The following SCLT1 variants were observed in gnomAD, a reference collection of about 807,000 sequenced individuals.
SCLT1 encodes sodium channel-associated protein 1.
SCLT1 carries 78 observed loss-of-function variants against 112.8 expected under a neutral mutation model. The ratio of observed to expected loss-of-function variants is 0.69; its 90% CI spans 0.58 to 0.83. The LOEUF is 0.83. Ranked by LOEUF, SCLT1 falls within the 40% of genes least tolerant of loss-of-function variation. The probability of loss-of-function intolerance (pLI) is 0.00; values close to 1 mark genes in which losing one functional copy is unlikely to be tolerated. For synonymous variants in SCLT1, 257 were observed against 254.7 expected, an observed-to-expected ratio of 1.01 and a Z score of -0.09; for missense variants, 747 against 770.4, an observed-to-expected ratio of 0.97 and a Z score of 0.36.
chr4:129,004,864 G>A (rs892582537), intron 5 of SCLT1, among the ~76,000 whole-genome samples: 5 of 151,502 alleles, frequency 3.3e-5, no homozygotes, highest in African/African-American at 1.2e-4. Context: ...GACAGAGCTT[G>A]AAAATTATTC....
rs1473662359 is a variant in SCLT1, at chr4:128,959,670, C to T, written c.977G>A (p.Arg326Lys). 6.2e-7 allele frequency: 1 copy of T among 1,613,166 alleles called. No homozygotes were observed. The highest frequency in any genetic ancestry group is 8.5e-7 in the Non-Finnish European group (1 of 1,179,480). ...TCTGGCTCTTACAATAGCCTCATATCTCTCATTTTCTAATTCATTGCACTT... is the reference window on the plus strand; with the variant it reads ...TCTGGCTCTTACAATAGCCTCATATTTCTCATTTTCTAATTCATTGCACTT... ...QAKCNELENE[R>K]YEAIVRARNS... is the part of the protein sequence containing the mutation. Residue 326 changes from arginine (R) to lysine (K), a missense_variant, in exon 12 of 21, where the codon AGA becomes AAA. By Grantham distance (26) the Arg-to-Lys change is conservative. Transcript: ENST00000281142.
intron 6 of SCLT1, 118 bp from the exon 7 acceptor site, chr4:128,999,912 T>C (rs1305683655): frequency 3.8e-6 from 2 of 521,050 alleles, no homozygotes; most frequent in African/African-American, 2.0e-5. Context: ...AAAATAGAAC[T>C]GTGTAAAGAT....
chr4:129,057,128 G>A (rs1749476146), intron 2 of SCLT1, among the ~76,000 whole-genome samples: 1 of 152,116 alleles, frequency 6.6e-6, no homozygotes, highest in Non-Finnish European at 1.5e-5. Flanking sequence ...TAGATGTGAT[G>A]TATCAAGTTT....
intron 12 of SCLT1, 139 bp downstream of exon 12, chr4:128,959,461 A>G (rs1327737809): frequency 6.2e-6 from 4 of 641,324 alleles, no homozygotes; most frequent in Non-Finnish European, 1.1e-5. Flanking sequence ...ATCCAAGAAT[A>G]TGGATGATTA....
intron 18 of SCLT1, among the ~76,000 whole-genome samples, chr4:128,911,967 T>C (rs2125948006): frequency 6.6e-6 from 1 of 152,334 alleles, no homozygotes; most frequent in African/African-American, 2.4e-5. Flanking sequence ...AGGCATATTT[T>C]CAGGGGGAAA....
At chr4:128,949,229 T>C (rs1738477531) in intron 14 of SCLT1, among the ~76,000 whole-genome samples, 2 of 150,372 alleles carry the variant, frequency 1.3e-5, no homozygotes, top group Non-Finnish European at 3.0e-5. Context: ...TTTTTTTTTT[T>C]TTTTTTCGTG....
At chr4:128,987,041 G>C (rs909687341) in intron 9 of SCLT1, among the ~76,000 whole-genome samples, 2 of 152,136 alleles carry the variant, frequency 1.3e-5, no homozygotes, top group African/African-American at 4.8e-5. Context: ...GCAAGTCTGT[G>C]TATGTAGGAG....
intron 18 of SCLT1, among the ~76,000 whole-genome samples, chr4:128,934,526 A>G (rs1024781964): frequency 6.6e-6 from 1 of 151,794 alleles, no homozygotes; most frequent in East Asian, 1.9e-4. Flanking sequence ...ACTTTCTTTA[A>G]TTACTCTTAA....
chr4:129,033,719 T>A, intron 5 of SCLT1, among the ~76,000 whole-genome samples: 1 of 151,840 alleles, frequency 6.6e-6, no homozygotes, highest in African/African-American at 2.4e-5. Context: ...AAGAAACAAG[T>A]AAAAGGTCCT....
intron 2 of SCLT1, among the ~76,000 whole-genome samples, chr4:129,073,797 T>C (rs547604717): frequency 1.3e-5 from 2 of 152,316 alleles, no homozygotes; most frequent in East Asian, 1.9e-4. Context: ...TAATCATTCA[T>C]AGCTCTCTAT....
intron 8 of SCLT1, among the ~76,000 whole-genome samples, chr4:128,994,785 ATTTCTTC>A (rs1410616200): frequency 1.3e-5 from 2 of 152,096 alleles, no homozygotes; most frequent in African/African-American, 4.8e-5. Context: ...AGCATTGGGC[ATTTCTTC>A]ACATACCCAT....
At chr4:128,937,677 T>C (rs1197121498) in intron 17 of SCLT1, among the ~76,000 whole-genome samples, 1 of 152,218 alleles carries the variant, frequency 6.6e-6, no homozygotes, top group Non-Finnish European at 1.5e-5. Flanking sequence ...AATGAATTAT[T>C]TTTCAGGAGA....
chr4:129,015,743 A>C (rs1430553208), intron 5 of SCLT1, among the ~76,000 whole-genome samples: 1 of 152,108 alleles, frequency 6.6e-6, no homozygotes, highest in East Asian at 1.9e-4. Flanking sequence ...ATGCTCCTTG[A>C]AAATTCAACT....
intron 5 of SCLT1, among the ~76,000 whole-genome samples, chr4:129,013,726 G>A (rs1744746207): frequency 6.6e-6 from 1 of 150,654 alleles, no homozygotes; most frequent in Non-Finnish European, 1.5e-5. Flanking sequence ...TTCTCTCTAA[G>A]ATGTCTTTAA....
At chr4:128,961,417 T>C (rs973742277) in intron 11 of SCLT1, among the ~76,000 whole-genome samples, 6 of 152,226 alleles carry the variant, frequency 3.9e-5, no homozygotes, top group Non-Finnish European at 8.8e-5. Context: ...GTTGCATTGA[T>C]CTACTTATTT....
At chr4:129,023,910 C>T (rs532917922) in intron 5 of SCLT1, among the ~76,000 whole-genome samples, 2 of 152,356 alleles carry the variant, frequency 1.3e-5, no homozygotes, top group South Asian at 4.1e-4. Context: ...TTGGAGGGTC[C>T]TACGCCCACG....
intron 18 of SCLT1, among the ~76,000 whole-genome samples, chr4:128,907,918 AAC>A (rs1734807776): frequency 6.6e-6 from 1 of 152,224 alleles, no homozygotes. Context: ...TATGAAATAA[AAC>A]AAAGTTACTT....
At chr4:128,934,565 T>G (rs909032422) in intron 18 of SCLT1, among the ~76,000 whole-genome samples, 2 of 151,910 alleles carry the variant, frequency 1.3e-5, no homozygotes, top group Admixed American at 6.6e-5. Flanking sequence ...AACAAAAGTC[T>G]TACATATTGT....
intron 5 of SCLT1, among the ~76,000 whole-genome samples, chr4:129,024,294 C>T (rs1249504152): frequency 6.6e-6 from 1 of 152,202 alleles, no homozygotes; most frequent in Non-Finnish European, 1.5e-5. Context: ...CTGGAAGGCA[C>T]CCCCAAGTAG....
Sources: allele counts gnomAD v4.1 joint callset (sites outside exome capture counted in the v4.1 genomes callset), GRCh38; gene constraint gnomAD v4.1.1; transcripts MANE v1.5; gene names NCBI Gene and HGNC (gene_info 2026-07-23, HGNC 2026-07-21).